DIS3L2: variants seen among roughly 807,000 people sequenced by gnomAD.
The protein encoded by DIS3L2 is DIS3-like exonuclease 2.
Under a neutral mutation model 97.5 loss-of-function variants are expected in DIS3L2, and 34 were observed. The ratio of observed to expected loss-of-function variants is 0.35; its 90% CI spans 0.27 to 0.46. DIS3L2 has a LOEUF of 0.46. Ranked by LOEUF, DIS3L2 falls within the 20% of genes least tolerant of loss-of-function variation. DIS3L2 has a pLI of 1.00. For missense variants in DIS3L2, 1,038 were observed against 1,146.0 expected (o/e 0.91, Z 1.36); for synonymous variants, 435 against 445.2 (o/e 0.98, Z 0.29).
chr2:232,314,949 G>T (rs1171543079), intron 14 of DIS3L2, among the ~76,000 whole-genome samples: 1 of 152,174 alleles, frequency 6.6e-6, no homozygotes, highest in Non-Finnish European at 1.5e-5. Context: ...GAAGGTCCTG[G>T]AATGACTCGT....
At chr2:232,289,990 A>T (rs1694553279) in intron 13 of DIS3L2, among the ~76,000 whole-genome samples, 1 of 152,254 alleles carries the variant, frequency 6.6e-6, no homozygotes, top group Non-Finnish European at 1.5e-5. Flanking sequence ...TGTGCATTGG[A>T]AGGGGTGATA....
intron 5 of DIS3L2, among the ~76,000 whole-genome samples, 198 bp downstream of exon 5, chr2:232,030,278 T>A (rs1346859307): frequency 1.3e-5 from 2 of 152,016 alleles, no homozygotes; most frequent in Non-Finnish European, 2.9e-5. Flanking sequence ...ATTAAATGAG[T>A]TCTCCTTGCT....
chr2:232,308,380 ACACT>A (rs1239529737), intron 14 of DIS3L2, among the ~76,000 whole-genome samples: 3 of 151,890 alleles, frequency 2.0e-5, no homozygotes, highest in African/African-American at 4.9e-5. Flanking sequence ...AGCCTCCTTG[ACACT>A]CACAGCCAGG....
Position 232,343,537 on chromosome 2 carries a change from A to T in DIS3L2, c.1774A>T (p.Ile592Leu), listed in dbSNP as rs766628592. The change falls in exon 14 of 14, where the codon ATA (isoleucine) becomes TTA (leucine). Residue 592 changes from isoleucine to leucine, a missense_variant. Coordinates refer to the DIS3L2 transcript ENST00000273009. ...ATTGGAAGCAAAGCCCCAAAACACG[A>T]TAAGAGTAGAGGAGCAGACAACCCA... 3.2e-6 allele frequency: 5 copies of T among 1,564,082 alleles called. No homozygotes were observed. The South Asian group carries it at 5.9e-5, about 18-fold the overall frequency.
chr2:232,329,798 A>ACC lies in DIS3L2; in HGVS notation c.1740-13_1740-12dup. ...AAACCCCAGCGGTCCCTCCCATCCCACCCACCCTCTGCAGGCTCGTGGAGG... is the reference window on the plus strand; with the variant it reads ...AAACCCCAGCGGTCCCTCCCATCCCACCCCCACCCTCTGCAGGCTCGTGGAGG... On this transcript the variant is annotated splice_polypyrimidine_tract_variant and intron_variant, in intron 14 of 20. Coordinates refer to ENST00000325385, the MANE Select transcript of DIS3L2 (RefSeq NM_152383.5). 5.7e-6 allele frequency: 1 copy of ACC among 176,672 alleles called. No homozygotes were observed. The allele number at this position is 176,672 out of a possible 1,614,324, so 10.9% of individuals were successfully genotyped here.
chr2:232,121,702 G>T (rs907355276), intron 6 of DIS3L2, among the ~76,000 whole-genome samples: 3 of 152,090 alleles, frequency 2.0e-5, no homozygotes, highest in African/African-American at 7.2e-5. Flanking sequence ...AACCCCAGAG[G>T]CTCCGAGTCT....
intron 1 of DIS3L2, among the ~76,000 whole-genome samples, chr2:231,985,626 A>T (rs2106184252): frequency 6.6e-6 from 1 of 152,296 alleles, no homozygotes; most frequent in Middle Eastern, 3.4e-3. Context: ...ATTTTGTCCC[A>T]TTTGCTTATT....
chr2:232,162,204 GT>G (rs1361624861), intron 8 of DIS3L2, among the ~76,000 whole-genome samples: 1 of 152,120 alleles, frequency 6.6e-6, no homozygotes, highest in Admixed American at 6.5e-5. Flanking sequence ...TTTTTGATGT[GT>G]TTTATGGGAG....
chr2:232,142,849 C>T (rs1244823746), intron 8 of DIS3L2, among the ~76,000 whole-genome samples: 2 of 152,120 alleles, frequency 1.3e-5, no homozygotes, highest in African/African-American at 4.8e-5. Flanking sequence ...AGTTTGGGCC[C>T]TCGGTATAGT....
At chr2:232,096,785 A>G (rs1377648800) in intron 6 of DIS3L2, among the ~76,000 whole-genome samples, 2 of 151,710 alleles carry the variant, frequency 1.3e-5, no homozygotes, top group African/African-American at 2.4e-5. Flanking sequence ...AATCATTTCA[A>G]TCTCTTTGGT....
chr2:232,076,765 G>GT (rs1197120001), intron 5 of DIS3L2, among the ~76,000 whole-genome samples: 8 of 152,158 alleles, frequency 5.3e-5, no homozygotes, highest in African/African-American at 1.9e-4. Flanking sequence ...TTTCGTGGCA[G>GT]TGTTTTTTAT....
chr2:232,277,986 C>T (rs1033678096), intron 13 of DIS3L2, among the ~76,000 whole-genome samples: 11 of 152,084 alleles, frequency 7.2e-5, no homozygotes, highest in African/African-American at 2.2e-4. Flanking sequence ...TGGGGCCCAT[C>T]GTTGGCCAAA....
rs1553552092 is a variant in DIS3L2 at position 232,335,806 on chromosome 2, G to A, written c.2428G>A (p.Val810Met). The change falls in exon 20 of 21, where the codon GTG (valine) becomes ATG (methionine). Residue 810 changes from valine (V) to methionine (M), a missense_variant. This residue lies in a region of DIS3L2 where 221 missense variants were observed against 246.9 expected (regional missense o/e 0.90). Transcript: ENST00000325385. ...LALRSHHFQK[V>M]GKKPELTLVW... ...CCTGCGGTCCCACCACTTCCAGAAGGTGGGCAAGAAGCCGGAACTCACGCT... is the reference window on the plus strand; with the variant it reads ...CCTGCGGTCCCACCACTTCCAGAAGATGGGCAAGAAGCCGGAACTCACGCT... 1 of 1,550,758 alleles carries A rather than the reference G, an allele frequency of 6.4e-7. No individual in the cohort carries two copies. The highest frequency in any genetic ancestry group is 8.7e-7 in the Non-Finnish European group (1 of 1,147,034).
At chr2:232,252,581 A>G (rs550458152) in intron 12 of DIS3L2, among the ~76,000 whole-genome samples, 2 of 152,200 alleles carry the variant, frequency 1.3e-5, no homozygotes, top group Non-Finnish European at 2.9e-5. Flanking sequence ...TCATTTTTGT[A>G]CTACACCAAA....
intron 9 of DIS3L2, among the ~76,000 whole-genome samples, chr2:232,181,744 T>C (rs1181480565): frequency 6.6e-6 from 1 of 152,154 alleles, no homozygotes; most frequent in Non-Finnish European, 1.5e-5. Context: ...GTTCAAGTGA[T>C]TCTCCTGTGT....
intron 9 of DIS3L2, among the ~76,000 whole-genome samples, chr2:232,175,625 T>C (rs533379486): frequency 6.6e-6 from 1 of 152,206 alleles, no homozygotes; most frequent in East Asian, 1.9e-4. Flanking sequence ...GGGTTTATTA[T>C]ATGAGTAAAT....
chr2:232,169,271 A>G (rs1312730808), intron 9 of DIS3L2, among the ~76,000 whole-genome samples: 1 of 152,186 alleles, frequency 6.6e-6, no homozygotes, highest in Non-Finnish European at 1.5e-5. Context: ...AACTAATAAA[A>G]TCAAACCTTT....
chr2:232,144,546 T>C (rs1299700622), intron 8 of DIS3L2, among the ~76,000 whole-genome samples: 1 of 152,154 alleles, frequency 6.6e-6, no homozygotes, highest in Admixed American at 6.6e-5. Flanking sequence ...AGAGAGTTCC[T>C]GTATATCTTT....
At chr2:232,077,941 CTT>C (rs1211746914) in intron 5 of DIS3L2, among the ~76,000 whole-genome samples, 11 of 148,458 alleles carry the variant, frequency 7.4e-5, no homozygotes, top group African/African-American at 2.5e-5. Context: ...TTCTTTCTTT[CTT>C]TTTCTTTCTT....
Sources: allele counts gnomAD v4.1 joint callset (sites outside exome capture counted in the v4.1 genomes callset), GRCh38; gene constraint gnomAD v4.1.1; regional missense constraint gnomAD v4.1.1; transcripts MANE v1.5; gene names NCBI Gene and HGNC (gene_info 2026-07-23, HGNC 2026-07-21).